The following GRIP1 variants were observed in gnomAD, a reference collection of about 807,000 sequenced individuals.
GRIP1 encodes glutamate receptor interacting protein 1.
A neutral mutation model predicts 129.9 loss-of-function variants in GRIP1; 45 were observed. That is an observed-to-expected ratio of 0.35 (90% CI 0.27 to 0.44). The LOEUF (loss-of-function observed/expected upper bound fraction) is 0.44, where lower values mean the gene tolerates loss of function less well. Ranked by LOEUF, GRIP1 falls within the 20% of genes least tolerant of loss-of-function variation. The pLI is 1.00. For synonymous variants in GRIP1, 530 were observed against 520.8 expected, an observed-to-expected ratio of 1.02 and a Z score of -0.24; for missense variants, 1,196 against 1,396.8, an observed-to-expected ratio of 0.86 and a Z score of 2.29.
At chr12:66,406,241 G>A in intron 16 of GRIP1, 42 bp downstream of exon 16, 1 of 1,594,700 alleles carries the variant, frequency 6.3e-7, no homozygotes, top group Non-Finnish European at 8.6e-7. Context: ...TGACAGATGG[G>A]CAGTTCGAAA....
chr12:66,823,902 CAG>C (rs2039364477), intron 1 of GRIP1, among the ~76,000 whole-genome samples: 1 of 152,090 alleles, frequency 6.6e-6, no homozygotes, highest in Admixed American at 6.6e-5. Context: ...AGATGTAAAA[CAG>C]AAAATCCAAT....
intron 11 of GRIP1, among the ~76,000 whole-genome samples, chr12:66,450,303 C>CAAAAAAA (rs143013040): frequency 5.1e-3 from 138 of 26,848 alleles, no homozygotes; most frequent in South Asian, 0.012. Context: ...GACTCCATCT[C>CAAAAAAA]AAAAAAAAAA....
At chr12:66,578,614 C>G (rs543530362) in intron 2 of GRIP1, among the ~76,000 whole-genome samples, 3 of 151,290 alleles carry the variant, frequency 2.0e-5, no homozygotes, top group Admixed American at 2.0e-4. Context: ...TATCCCGCAC[C>G]TGGCTCAGAG....
At chr12:66,403,477 G>T (rs2057081726) in intron 16 of GRIP1, among the ~76,000 whole-genome samples, 1 of 151,980 alleles carries the variant, frequency 6.6e-6, no homozygotes, top group Non-Finnish European at 1.5e-5. Context: ...GATGTTATGA[G>T]GGAAGAGGAT....
rs568524616 is a variant in GRIP1, at chr12:66,488,662, T to C, written c.725-23240A>G. Among the ~76,000 whole-genome samples, 25 of 151,814 alleles carry C rather than the reference T, an allele frequency of 1.6e-4. 1 individual carries two copies. The highest frequency in any genetic ancestry group is 6.0e-4 in the African/African-American group (25 of 41,408). On this transcript the variant is annotated intron_variant, in intron 7 of 24. Coordinates refer to ENST00000359742, the MANE Select transcript of GRIP1 (RefSeq NM_001366722.1). Reference sequence around the variant, plus strand: ...AGGAGATAGAGATGTGAAAATCCCTTCAAAAAATCAACGAATCTAGGAGCT... The same window carrying C: ...AGGAGATAGAGATGTGAAAATCCCTCCAAAAAATCAACGAATCTAGGAGCT...
intron 1 of GRIP1, among the ~76,000 whole-genome samples, chr12:67,061,407 G>A (rs1248301692): frequency 2.0e-5 from 3 of 152,212 alleles, no homozygotes; most frequent in Non-Finnish European, 2.9e-5. Flanking sequence ...AGTCAAGATG[G>A]TCGGTCTATA....
At chr12:66,903,216 A>T (rs2040871649) in intron 1 of GRIP1, among the ~76,000 whole-genome samples, 1 of 152,100 alleles carries the variant, frequency 6.6e-6, no homozygotes, top group South Asian at 2.1e-4. Context: ...ACCGCAATCC[A>T]TAGTTATTTA....
rs547706592 is a variant in GRIP1, at chr12:66,736,346, A to ATTTTTT, written c.-420+67701_-420+67706dup. 1.6e-4 allele frequency among the ~76,000 whole-genome samples: 11 copies of ATTTTTT among 67,018 alleles called. 1 individual carries two copies. Among genetic ancestry groups the ATTTTTT allele is most frequent in the African/African-American group, 3.2e-4 (5 of 15,398 alleles). 44.0% of individuals were successfully genotyped at this position (67,018 alleles called of 152,430 possible). A position where few individuals can be genotyped will look rare whatever the true frequency, so the allele number is the denominator to read the frequency against. On this transcript the variant is annotated intron_variant, in intron 1 of 4. Coordinates refer to the GRIP1 transcript ENST00000538373. ...AGGTGTGCACCACCGTGCCTGGCTA[A>ATTTTTT]TTTTTTTTTTTTTTTTTTTTTTTTT...
chr12:66,826,252 T>C (rs1358494962), intron 1 of GRIP1, among the ~76,000 whole-genome samples: 1 of 151,106 alleles, frequency 6.6e-6, no homozygotes, highest in South Asian at 2.1e-4. Flanking sequence ...AGTTGAACAA[T>C]GAGAACACAT....
At chr12:66,749,401 T>G (rs920060166) in intron 1 of GRIP1, among the ~76,000 whole-genome samples, 1 of 152,196 alleles carries the variant, frequency 6.6e-6, no homozygotes, top group Non-Finnish European at 1.5e-5. Flanking sequence ...AACTTGCCTT[T>G]TCTCAGCTGT....
intron 14 of GRIP1, among the ~76,000 whole-genome samples, chr12:66,431,362 G>A (rs1354391377): frequency 6.6e-6 from 1 of 152,094 alleles, no homozygotes; most frequent in South Asian, 2.1e-4. Context: ...GGTTTGGGGG[G>A]ATCTAGGCTC....
chr12:66,865,916 C>G (rs2040197391), intron 1 of GRIP1, among the ~76,000 whole-genome samples: 1 of 152,050 alleles, frequency 6.6e-6, no homozygotes, highest in Non-Finnish European at 1.5e-5. Context: ...ATATGTAACT[C>G]TCCATTTCTT....
At chr12:66,493,525 C>T (rs1436368080) in intron 7 of GRIP1, among the ~76,000 whole-genome samples, 2 of 152,210 alleles carry the variant, frequency 1.3e-5, no homozygotes, top group Admixed American at 6.5e-5. Flanking sequence ...ATAAATAGCA[C>T]TTTATGCCAC....
chr12:66,455,242 C>G (rs1408340730), intron 11 of GRIP1, among the ~76,000 whole-genome samples, 167 bp downstream of exon 11: 1 of 152,176 alleles, frequency 6.6e-6, no homozygotes, highest in Non-Finnish European at 1.5e-5. Context: ...CAAACAGATA[C>G]TGGGTATCGT....
intron 1 of GRIP1, among the ~76,000 whole-genome samples, chr12:66,648,800 C>G (rs1273803903): frequency 6.6e-6 from 1 of 152,168 alleles, no homozygotes; most frequent in Non-Finnish European, 1.5e-5. Context: ...CCAATTTTAA[C>G]TGGAGATTTA....
intron 2 of GRIP1, among the ~76,000 whole-genome samples, chr12:66,546,568 G>A (rs2061953019): frequency 6.6e-6 from 1 of 152,090 alleles, no homozygotes; most frequent in Non-Finnish European, 1.5e-5. Flanking sequence ...GAGGACCCAG[G>A]AATAGACTCG....
At chr12:66,780,951 G>A (rs1281387764) in intron 1 of GRIP1, among the ~76,000 whole-genome samples, 1 of 152,084 alleles carries the variant, frequency 6.6e-6, no homozygotes, top group Non-Finnish European at 1.5e-5. Flanking sequence ...ACTAAGCTGA[G>A]GCCCAAGACA....
chr12:66,655,892 C>A (rs1166942740), intron 1 of GRIP1, among the ~76,000 whole-genome samples: 3 of 152,100 alleles, frequency 2.0e-5, no homozygotes, highest in East Asian at 1.9e-4. Context: ...AGCCACCGCA[C>A]CTGGCCTTCT....
intron 1 of GRIP1, among the ~76,000 whole-genome samples, chr12:66,971,069 T>G (rs1038120553): frequency 6.6e-6 from 1 of 152,176 alleles, no homozygotes; most frequent in Non-Finnish European, 1.5e-5. Context: ...CTCCTGCGCC[T>G]AGGAGTTCCA....
Sources: allele counts gnomAD v4.1 joint callset (sites outside exome capture counted in the v4.1 genomes callset), GRCh38; gene constraint gnomAD v4.1.1; transcripts MANE v1.5; gene names NCBI Gene and HGNC (gene_info 2026-07-23, HGNC 2026-07-21).